The following ROBO1 variants were observed in gnomAD, a reference collection of about 807,000 sequenced individuals.
The protein encoded by ROBO1 is roundabout homolog 1.
ROBO1 carries 149 observed loss-of-function variants against 195.9 expected under a neutral mutation model. The observed-to-expected ratio is 0.76, with a 90% CI of 0.67 to 0.87. The LOEUF (loss-of-function observed/expected upper bound fraction) is 0.87. ROBO1 is among the 40% of genes least tolerant of loss of function. The probability of loss-of-function intolerance (pLI) is 0.00; values close to 1 mark genes in which losing one functional copy is unlikely to be tolerated. For synonymous variants in ROBO1, 816 were observed against 733.2 expected (o/e 1.11, Z -1.82); for missense variants, 1,933 against 2,068.3 (o/e 0.93, Z 1.27).
intron 2 of ROBO1, among the ~76,000 whole-genome samples, chr3:79,540,133 T>A (rs1365538638): frequency 1.3e-5 from 2 of 152,094 alleles, no homozygotes; most frequent in African/African-American, 4.8e-5. Context: ...AAGTCTAATA[T>A]TACACCATTA....
At chr3:79,733,018 C>T (rs1198756862) in intron 1 of ROBO1, among the ~76,000 whole-genome samples, 3 of 152,120 alleles carry the variant, frequency 2.0e-5, no homozygotes, top group Admixed American at 1.3e-4. Context: ...ATAGCAGTCC[C>T]CAAAATAACT....
chr3:78,938,564 C>A, intron 4 of ROBO1, 37 bp downstream of exon 4: 2 of 1,550,274 alleles, frequency 1.3e-6, no homozygotes, highest in Non-Finnish European at 1.8e-6. Flanking sequence ...CACTCTGCCA[C>A]TCCCTCTGCC....
intron 2 of ROBO1, among the ~76,000 whole-genome samples, chr3:79,267,743 TTTG>T (rs2030120058): frequency 1.3e-5 from 2 of 151,476 alleles, no homozygotes; most frequent in African/African-American, 4.8e-5. Flanking sequence ...ATTGATCTGT[TTTG>T]TTGTTATTTT....
chr3:79,043,179 A>C (rs2108339360), intron 3 of ROBO1, among the ~76,000 whole-genome samples: 1 of 152,254 alleles, frequency 6.6e-6, no homozygotes, highest in South Asian at 2.1e-4. Context: ...GTTTCTAAGA[A>C]ACCCATAATT....
intron 2 of ROBO1, among the ~76,000 whole-genome samples, chr3:79,317,089 T>C (rs2033767688): frequency 6.6e-6 from 1 of 152,130 alleles, no homozygotes; most frequent in East Asian, 1.9e-4. Context: ...TTTTCCCACA[T>C]GGATTAACTC....
At chr3:78,600,445 G>A in intron 29 of ROBO1, 136 bp from the exon 30 acceptor site, 1 of 635,530 alleles carries the variant, frequency 1.6e-6, no homozygotes, top group East Asian at 2.7e-5. Flanking sequence ...CACTCTATAA[G>A]CATAATGAAT....
chr3:78,631,620 T>C (rs1383583623), intron 24 of ROBO1, among the ~76,000 whole-genome samples: 3 of 152,230 alleles, frequency 2.0e-5, no homozygotes, highest in Non-Finnish European at 4.4e-5. Flanking sequence ...GAGCTGTAGA[T>C]ATATTTTCTC....
intron 2 of ROBO1, among the ~76,000 whole-genome samples, chr3:79,336,072 C>T (rs1224698989): frequency 2.0e-5 from 3 of 152,044 alleles, no homozygotes; most frequent in Non-Finnish European, 4.4e-5. Context: ...AAGAAATTTC[C>T]AAGTGGCAAA....
chr3:79,194,628 G>C (rs1576798671), intron 2 of ROBO1, among the ~76,000 whole-genome samples: 1 of 151,712 alleles, frequency 6.6e-6, no homozygotes, highest in Middle Eastern at 3.4e-3. Context: ...TGCCGCACTT[G>C]CTAAAGAATG....
chr3:79,676,634 C>A (rs1460348298), intron 1 of ROBO1, among the ~76,000 whole-genome samples: 1 of 152,032 alleles, frequency 6.6e-6, no homozygotes, highest in Non-Finnish European at 1.5e-5. Flanking sequence ...GCAACATGGC[C>A]TCTTCCTCCT....
intron 5 of ROBO1, among the ~76,000 whole-genome samples, chr3:78,720,956 G>T (rs1000391488): frequency 6.6e-6 from 1 of 151,130 alleles, no homozygotes; most frequent in East Asian, 1.9e-4. Context: ...GGGTTGGGGG[G>T]GGGGCGGTGG....
intron 29 of ROBO1, among the ~76,000 whole-genome samples, chr3:78,604,799 A>G (rs1054607268): frequency 4.6e-5 from 7 of 152,218 alleles, no homozygotes; most frequent in African/African-American, 1.7e-4. Flanking sequence ...CTATTAAAAT[A>G]CAGTAGTTAA....
At chr3:79,654,712 A>G (rs528089031) in intron 1 of ROBO1, among the ~76,000 whole-genome samples, 7 of 125,662 alleles carry the variant, frequency 5.6e-5, no homozygotes, top group African/African-American at 2.1e-4. Context: ...CACTCTGTTT[A>G]GCTCTTTTCT....
rs990035226 is a variant in ROBO1 at position 79,530,863 on chromosome 3, A to T, written c.88+58961T>A. On this transcript the variant is annotated intron_variant, in intron 2 of 30. Transcript: ENST00000464233. ...AAGATGGAAGTCCCTTAAATGACTT[A>T]CTTATAAGACCCTGCATGATCTGTC... 4.0e-5 allele frequency among the ~76,000 whole-genome samples: 6 copies of T among 151,684 alleles called. No individual in the cohort carries two copies. In the South Asian group the frequency reaches 8.3e-4, roughly 21 times the overall value.
intron 3 of ROBO1, among the ~76,000 whole-genome samples, chr3:78,988,440 TCTC>T (rs2077162330): frequency 6.6e-6 from 1 of 152,106 alleles, no homozygotes; most frequent in South Asian, 2.1e-4. Flanking sequence ...AATTCTCAAA[TCTC>T]TATTATTTTT....
chr3:79,406,675 T>A lies in ROBO1; in HGVS notation c.88+183149A>T, dbSNP rs151205396. Among the ~76,000 whole-genome samples, 117 of 152,104 alleles carry A rather than the reference T, an allele frequency of 7.7e-4. 1 individual carries two copies. The East Asian group carries it at 0.019, about 25-fold the overall frequency. On this transcript the variant is annotated intron_variant, in intron 2 of 30. Coordinates refer to ENST00000464233, the MANE Select transcript of ROBO1 (RefSeq NM_002941.4). ...AAGGTGTTTCAGCCACTGAAAGTTA[T>A]TCCTGGAAAGATGTTTAGGTTTGCA...
intron 2 of ROBO1, among the ~76,000 whole-genome samples, chr3:79,481,702 T>A (rs1001167191): frequency 1.3e-5 from 2 of 152,204 alleles, no homozygotes; most frequent in African/African-American, 2.4e-5. Context: ...CTAGTTGTCA[T>A]TTTGTCCCCT....
At chr3:78,670,692 A>G (rs1708018466) in intron 10 of ROBO1, among the ~76,000 whole-genome samples, 1 of 152,228 alleles carries the variant, frequency 6.6e-6, no homozygotes, top group Non-Finnish European at 1.5e-5. Flanking sequence ...AACATATGAG[A>G]TAAATTTTAA....
At chr3:79,348,835 C>T (rs147726846) in intron 2 of ROBO1, among the ~76,000 whole-genome samples, 34 of 152,232 alleles carry the variant, frequency 2.2e-4, no homozygotes, top group African/African-American at 7.7e-4. Flanking sequence ...AGGGACAGAA[C>T]ATAGGAGGCT....
Sources: allele counts gnomAD v4.1 joint callset (sites outside exome capture counted in the v4.1 genomes callset), GRCh38; gene constraint gnomAD v4.1.1; transcripts MANE v1.5; gene names NCBI Gene and HGNC (gene_info 2026-07-23, HGNC 2026-07-21).